MYOM2: variants seen among roughly 807,000 people sequenced by gnomAD.
MYOM2 encodes the protein myomesin 2.
A neutral mutation model predicts 187.6 loss-of-function variants in MYOM2; 254 were observed. The ratio of observed to expected loss-of-function variants is 1.35; its 90% confidence interval spans 1.22 to 1.50. The LOEUF (loss-of-function observed/expected upper bound fraction) is 1.50. Among genes scored for constraint, MYOM2 ranks in the 40% most tolerant of loss-of-function variants. MYOM2 has a pLI of 0.00. For synonymous variants in MYOM2, 981 were observed against 753.8 expected (o/e 1.30, Z -4.94); for missense variants, 2,796 against 1,924.0 (o/e 1.45, Z -8.48).
At chr8:2,061,975 T>C (rs1818864388) in intron 6 of MYOM2, among the ~76,000 whole-genome samples, 1 of 151,844 alleles carries the variant, frequency 6.6e-6, no homozygotes, top group Non-Finnish European at 1.5e-5. Context: ...CAGCTGTGGG[T>C]GAGGGGAGGG....
intron 6 of MYOM2, among the ~76,000 whole-genome samples, chr8:2,062,187 C>T (rs1245607264): frequency 6.6e-6 from 1 of 152,154 alleles, no homozygotes; most frequent in African/African-American, 2.4e-5. Context: ...GCCAGTGGCC[C>T]TGCAGATCAC....
intron 23 of MYOM2, among the ~76,000 whole-genome samples, chr8:2,108,533 C>T (rs185934393): frequency 2.0e-5 from 3 of 152,126 alleles, no homozygotes; most frequent in African/African-American, 7.2e-5. Context: ...ATACCTACCC[C>T]TGCCCCCAAT....
At chr8:2,069,892 T>A (rs539287789) in intron 8 of MYOM2, among the ~76,000 whole-genome samples, 1 of 152,206 alleles carries the variant, frequency 6.6e-6, no homozygotes, top group Non-Finnish European at 1.5e-5. Context: ...GAATGCATCA[T>A]GTTGCTGTTT....
At chr8:2,093,258 C>A (rs1796370666) in intron 16 of MYOM2, among the ~76,000 whole-genome samples, 1 of 152,180 alleles carries the variant, frequency 6.6e-6, no homozygotes, top group South Asian at 2.1e-4. Context: ...AGATGTTCTT[C>A]ACAGCCCACA....
Position 2,100,942 on chromosome 8 carries a change from CT to C in MYOM2, c.2508del (p.Val837CysfsTer36). The C allele has an allele frequency of 6.2e-7, 1 of 1,614,186 alleles. No individual in the cohort carries two copies. The highest frequency in any genetic ancestry group is 8.5e-7 in the Non-Finnish European group (1 of 1,180,038). ...TCCTTGGTCATGCTGTGGAAGGCCC[CT>C]GTGTACTCCGGCAGCAGCCCTGTTT... ...DTSLVMLWKA[P>X]VYSGSSPVSG... On this transcript the variant is annotated frameshift_variant, in exon 20 of 37. Transcript: ENST00000262113. LOFTEE classifies it high-confidence loss of function.
chr8:2,128,410 C>G (rs1006739033), intron 31 of MYOM2, among the ~76,000 whole-genome samples: 17 of 152,222 alleles, frequency 1.1e-4, no homozygotes, highest in African/African-American at 4.1e-4. Context: ...TTATGTAAAT[C>G]TAGTTTTCTA....
rs757174614 is a variant in MYOM2 at position 2,123,356 on chromosome 8, C to T, written c.3558C>T (p.Leu1186=). 2.5e-6 allele frequency: 4 copies of T among 1,607,780 alleles called. No homozygotes were observed. In the South Asian group the frequency reaches 4.4e-5, roughly 18 times the overall value. ...TGGAGAGGGGAATCTGTGAGCTCCT[C>T]ATCCCAAAGGTATCAGGCATTGAGT... ...PNLERGICEL[L]IPKLSKKDHG... Residue 1186 remains leucine, a synonymous_variant, in exon 29 of 37, where the codon CTC becomes CTT. Coordinates refer to ENST00000262113, the MANE Select transcript of MYOM2 (RefSeq NM_003970.4).
rs373017762 is a variant in MYOM2 at position 2,085,364 on chromosome 8, G to C, written c.1618G>C (p.Asp540His). Residue 540 changes from aspartate (D) to histidine (H), a missense_variant, in exon 14 of 37, where the codon GAC becomes CAC. Transcript: ENST00000262113. ...GGAGCCACCCACTCCCCGTGGCAAG[G>C]ACCCGCTCATGTACTTCATTGAGAA... is the stretch of plus-strand genomic sequence containing the variant. ...SWEPPTPRGK[D>H]PLMYFIEKSV... 2.5e-6 allele frequency: 4 copies of C among 1,613,088 alleles called. No homozygotes were observed. In the African/African-American group the frequency reaches 5.4e-5, roughly 22 times the overall value.
chr8:2,130,508 CTA>C (rs1797827551), intron 32 of MYOM2, among the ~76,000 whole-genome samples: 1 of 152,208 alleles, frequency 6.6e-6, no homozygotes, highest in African/African-American at 2.4e-5. Context: ...ATGGTTATGA[CTA>C]TTTCACTTTT....
intron 25 of MYOM2, among the ~76,000 whole-genome samples, chr8:2,112,102 C>T (rs927374062): frequency 9.9e-5 from 15 of 152,282 alleles, no homozygotes; most frequent in Non-Finnish European, 2.1e-4. Context: ...CAGTGGACGG[C>T]AGCACCTACC....
chr8:2,106,911 A>G (rs17064721), intron 23 of MYOM2, among the ~76,000 whole-genome samples: 6,436 of 152,304 alleles, frequency 0.042, 169 homozygotes, highest in Admixed American at 0.084. Context: ...TAAGAAATCC[A>G]TGAAATTAAT....
chr8:2,116,296 C>T (rs758778607), intron 27 of MYOM2, 21 bp downstream of exon 27: 27 of 1,606,178 alleles, frequency 1.7e-5, no homozygotes, highest in Middle Eastern at 1.7e-4. Flanking sequence ...TCACTCTGAC[C>T]GGCTCCCCTG....
chr8:2,134,863 T>C (rs1798012876), intron 32 of MYOM2, among the ~76,000 whole-genome samples: 1 of 152,118 alleles, frequency 6.6e-6, no homozygotes, highest in South Asian at 2.1e-4. Context: ...GCCCCATTGC[T>C]ACAATCCCAG....
At chr8:2,069,246 C>T (rs571705661) in intron 6 of MYOM2, 32 bp from the exon 7 acceptor site, 22 of 1,595,448 alleles carry the variant, frequency 1.4e-5, no homozygotes, top group Middle Eastern at 2.3e-4. Flanking sequence ...ACAACAGTCC[C>T]GCAGACTTTC....
intron 31 of MYOM2, among the ~76,000 whole-genome samples, chr8:2,127,294 G>A (rs1413910897): frequency 1.3e-5 from 2 of 152,086 alleles, no homozygotes; most frequent in Non-Finnish European, 2.9e-5. Context: ...GGTGGTCAGG[G>A]ATCTCTGCCT....
intron 13 of MYOM2, among the ~76,000 whole-genome samples, chr8:2,084,524 C>A (rs1819740855): frequency 6.6e-6 from 1 of 152,064 alleles, no homozygotes; most frequent in Non-Finnish European, 1.5e-5. Context: ...AACTGTGGGT[C>A]TGGAAAAACC....
intron 11 of MYOM2, among the ~76,000 whole-genome samples, chr8:2,077,592 A>C (rs376703375): frequency 6.6e-6 from 1 of 152,160 alleles, no homozygotes; most frequent in Non-Finnish European, 1.5e-5. Flanking sequence ...TTCCGGGCTT[A>C]CCTTGAATTA....
At chr8:2,096,997 C>A in intron 18 of MYOM2, 1 of 414,546 alleles carries the variant, frequency 2.4e-6, no homozygotes, top group Non-Finnish European at 3.3e-6. Context: ...AGCCATTGCT[C>A]TGTTTCCCTG....
chr8:2,069,256 C>T (rs761393113), intron 6 of MYOM2, 22 bp from the exon 7 acceptor site: 2 of 1,601,214 alleles, frequency 1.2e-6, no homozygotes, highest in Non-Finnish European at 1.7e-6. Flanking sequence ...CGCAGACTTT[C>T]TCTTGTTTTT....
Sources: allele counts gnomAD v4.1 joint callset (sites outside exome capture counted in the v4.1 genomes callset), GRCh38; gene constraint gnomAD v4.1.1; transcripts MANE v1.5; gene names NCBI Gene and HGNC (gene_info 2026-07-23, HGNC 2026-07-21).